Variants in GNAL observed in about 807,000 individuals in gnomAD.
The protein encoded by GNAL is guanine nucleotide-binding protein G(olf) subunit alpha.
A neutral mutation model predicts 55.1 loss-of-function variants in GNAL; 18 were observed. The ratio of observed to expected loss-of-function variants is 0.33; its 90% CI spans 0.23 to 0.48. The LOEUF (loss-of-function observed/expected upper bound fraction) is 0.48. GNAL is among the 20% of genes least tolerant of loss of function. The pLI, the probability that GNAL is intolerant of heterozygous loss-of-function variation, is 0.99. For missense variants in GNAL, 412 were observed against 614.1 expected (o/e 0.67, Z 3.48); for synonymous variants, 253 against 237.0 (o/e 1.07, Z -0.62).
chr18:11,827,538 G>A (rs894533427), intron 5 of GNAL, among the ~76,000 whole-genome samples: 5 of 152,220 alleles, frequency 3.3e-5, no homozygotes, highest in Admixed American at 6.5e-5. Flanking sequence ...GCTCGAACTT[G>A]GGAGGCGGAG....
chr18:11,752,221 G>C lies in GNAL; in HGVS notation c.377-632G>C, dbSNP rs1307731775. The C allele has an allele frequency of 5.5e-6, 5 of 907,602 alleles. No homozygotes were observed. The highest frequency in any genetic ancestry group is 4.5e-6 in the Non-Finnish European group (3 of 660,688). 56.2% of individuals were successfully genotyped at this position (907,602 alleles called of 1,614,324 possible). On this transcript the variant is annotated intron_variant, in intron 1 of 11. Transcript: ENST00000334049. This position sits in a 1 kb window ranked among gnomAD's most constrained non-coding sequence, Gnocchi z 4.5. ...TGTAAAAAGGCATTTTACTCCGCGC[G>C]TCTTCCTTACAGCCATTTAGTTGGG...
At chr18:11,785,979 GAGAAA>G (rs773023738) in intron 4 of GNAL, among the ~76,000 whole-genome samples, 18 of 152,330 alleles carry the variant, frequency 1.2e-4, no homozygotes, top group South Asian at 2.1e-4. Context: ...CTAAAAAGGA[GAGAAA>G]AGAAAAGTGG....
At chr18:11,810,782 C>G (rs2034792312) in intron 4 of GNAL, 1 of 152,436 alleles carries the variant, frequency 6.6e-6, no homozygotes, top group African/African-American at 2.4e-5. Context: ...CCCTTCTGTT[C>G]CATCCACGCT....
rs533271092 is a variant in GNAL, at chr18:11,767,449, C to T, written c.624+13504C>T. ...GTGCACCCTTTTGCTTGCACAGTTG[C>T]TCTCTGTGCACCTTATGCTTGCATG... On this transcript the variant is annotated intron_variant, in intron 4 of 11. Coordinates refer to ENST00000334049, the MANE Select transcript of GNAL (RefSeq NM_182978.4). Among the ~76,000 whole-genome samples the T allele has an allele frequency of 5.3e-5, 8 of 151,964 alleles. No homozygotes were observed. In the South Asian group the frequency reaches 1.7e-3, roughly 32 times the overall value.
intron 1 of GNAL, among the ~76,000 whole-genome samples, chr18:11,709,683 A>T (rs1048274464): frequency 7.2e-5 from 11 of 152,160 alleles, no homozygotes; most frequent in African/African-American, 2.7e-4. Flanking sequence ...TTCATTTATT[A>T]GTTCTAATAG....
intron 5 of GNAL, among the ~76,000 whole-genome samples, chr18:11,835,072 T>A (rs1177560602): frequency 6.6e-6 from 1 of 152,168 alleles, no homozygotes; most frequent in Non-Finnish European, 1.5e-5. Context: ...GTGCATAATA[T>A]TTTTATGGGA....
rs761296435 is a variant in GNAL, at chr18:11,884,509, AAGTG to A, written c.*3383_*3386del. On this transcript the variant is annotated 3_prime_UTR_variant, in exon 12 of 12. Transcript: ENST00000334049. Reference sequence around the variant, plus strand: ...AAGAAAAGGTGAGGCTAGAAGCCCAAAGTGAGTGAGTGTGAGGACCACAAGGAAG... The same window carrying A: ...AAGAAAAGGTGAGGCTAGAAGCCCAAAGTGAGTGTGAGGACCACAAGGAAG... 6 of 1,614,054 alleles carry A rather than the reference AAGTG, an allele frequency of 3.7e-6. 1 individual carries two copies. The South Asian group carries it at 4.4e-5, about 12-fold the overall frequency.
chr18:11,836,307 A>G (rs2035497416), intron 5 of GNAL, among the ~76,000 whole-genome samples: 1 of 152,046 alleles, frequency 6.6e-6, no homozygotes, highest in African/African-American at 2.4e-5. Context: ...TTAGCTGGGC[A>G]TGGTGGCGCA....
intron 5 of GNAL, 81 bp from the exon 6 acceptor site, chr18:11,862,313 GT>G: frequency 9.6e-7 from 1 of 1,040,458 alleles, no homozygotes; most frequent in Non-Finnish European, 1.5e-6. Flanking sequence ...CTGTACTTGG[GT>G]GATGTCCCAT....
intron 10 of GNAL, among the ~76,000 whole-genome samples, chr18:11,876,336 G>A (rs751825628): frequency 5.9e-5 from 9 of 152,140 alleles, no homozygotes; most frequent in Non-Finnish European, 1.3e-4. Flanking sequence ...GATGGCGGGT[G>A]CCCGTAATTC....
Position 11,884,846 on chromosome 18 carries a change from T to C in GNAL, c.*3711T>C. ...GCAGGAGAGACAAGTAAGGCCCAAG[T>C]GTGCCTGAGTGGAAAATGTCTGGGA... On this transcript the variant is annotated 3_prime_UTR_variant, in exon 12 of 12. Transcript: ENST00000334049. The C allele has an allele frequency of 3.6e-6, 5 of 1,378,386 alleles. No individual in the cohort carries two copies. The highest frequency in any genetic ancestry group is 3.8e-6 in the Non-Finnish European group (4 of 1,064,000). The allele number at this position is 1,378,386 out of a possible 1,614,324, so 85.4% of individuals were successfully genotyped here.
In GNAL at chr18:11,884,899, CT is replaced by C; in HGVS notation, c.*3765del. 7.7e-7 allele frequency: 1 copy of C among 1,305,514 alleles called. No individual in the cohort carries two copies. The highest frequency in any genetic ancestry group is 9.8e-7 in the Non-Finnish European group (1 of 1,016,156). 80.9% of individuals were successfully genotyped at this position (1,305,514 alleles called of 1,614,324 possible). A position where few individuals can be genotyped will look rare whatever the true frequency, so the allele number is the denominator to read the frequency against. On this transcript the variant is annotated 3_prime_UTR_variant, in exon 12 of 12. Transcript: ENST00000334049. ...CTGACCTGTCAAAACTGGCCCCTGGCTCACTGGGTTCCCATCAAATATAGTG... is the reference window on the plus strand; with the variant it reads ...CTGACCTGTCAAAACTGGCCCCTGGCCACTGGGTTCCCATCAAATATAGTG...
intron 1 of GNAL, among the ~76,000 whole-genome samples, chr18:11,720,133 T>G (rs1184833724): frequency 6.6e-6 from 1 of 152,196 alleles, no homozygotes; most frequent in Non-Finnish European, 1.5e-5. Context: ...TGAACTGTAT[T>G]TTGAATAGCA....
chr18:11,843,624 A>T (rs2035667000), intron 5 of GNAL, among the ~76,000 whole-genome samples: 1 of 152,198 alleles, frequency 6.6e-6, no homozygotes, highest in South Asian at 2.1e-4. Flanking sequence ...GTTAAGTTAT[A>T]TTTGATTTCT....
At chr18:11,812,525 G>T (rs143239703) in intron 4 of GNAL, among the ~76,000 whole-genome samples, 2,970 of 152,296 alleles carry the variant, frequency 0.02, 49 homozygotes, top group Middle Eastern at 0.037. Context: ...TCTGAAAAAT[G>T]AAATTTATAA....
At chr18:11,864,717 A>G (rs1357707398) in intron 7 of GNAL, 111 bp downstream of exon 7, 5 of 717,380 alleles carry the variant, frequency 7.0e-6, no homozygotes, top group Non-Finnish European at 1.3e-5. Context: ...CAGCCCTTTC[A>G]GGTAAGAGCA....
At chr18:11,706,287 A>G (rs1406069418) in intron 1 of GNAL, among the ~76,000 whole-genome samples, 1 of 152,062 alleles carries the variant, frequency 6.6e-6, no homozygotes, top group Non-Finnish European at 1.5e-5. Flanking sequence ...TGTTTATACT[A>G]TACTATATCT....
At chr18:11,780,120 G>A (rs2143345635) in intron 4 of GNAL, among the ~76,000 whole-genome samples, 1 of 152,240 alleles carries the variant, frequency 6.6e-6, no homozygotes, top group South Asian at 2.1e-4. Flanking sequence ...ACATTTCTCA[G>A]ATGTAATACA....
chr18:11,788,565 A>G (rs1216029406), intron 4 of GNAL, among the ~76,000 whole-genome samples: 1 of 152,098 alleles, frequency 6.6e-6, no homozygotes, highest in East Asian at 1.9e-4. Flanking sequence ...ACTTATTAAC[A>G]GTTATTAAAA....
Sources: allele counts gnomAD v4.1 joint callset (sites outside exome capture counted in the v4.1 genomes callset), GRCh38; gene constraint gnomAD v4.1.1; non-coding constraint Gnocchi (gnomAD v3.1); transcripts MANE v1.5; gene names NCBI Gene and HGNC (gene_info 2026-07-23, HGNC 2026-07-21).